The following GNG2 variants were observed in gnomAD, a reference collection of about 807,000 sequenced individuals.
GNG2 encodes guanine nucleotide-binding protein G(I)/G(S)/G(O) subunit gamma-2.
In GNG2, 5 loss-of-function variants were observed where a neutral mutation model predicts 5.5. That is an observed-to-expected ratio of 0.91 (90% CI 0.48 to 1.92). The LOEUF (loss-of-function observed/expected upper bound fraction) is 1.92, where lower values mean the gene tolerates loss of function less well. GNG2 is among the 30% of genes most tolerant of loss of function. The pLI, the probability that GNG2 is intolerant of heterozygous loss-of-function variation, is 0.01. For synonymous variants in GNG2, 28 were observed against 32.0 expected, an observed-to-expected ratio of 0.88 and a Z score of 0.42; for missense variants, 55 against 88.4, an observed-to-expected ratio of 0.62 and a Z score of 1.52.
chr14:51,932,609 G>A (rs1175866783), intron 2 of GNG2, among the ~76,000 whole-genome samples: 1 of 152,084 alleles, frequency 6.6e-6, no homozygotes, highest in African/African-American at 2.4e-5. Flanking sequence ...GGGGGACAGA[G>A]GGAGACTCTG....
At chr14:51,929,794 C>T (rs555438315) in intron 2 of GNG2, among the ~76,000 whole-genome samples, 17 of 152,170 alleles carry the variant, frequency 1.1e-4, no homozygotes, top group Non-Finnish European at 2.1e-4. Flanking sequence ...ATGAGGCTGG[C>T]GTCGAGAGAA....
chr14:51,903,662 T>TC (rs1885711980), intron 2 of GNG2, among the ~76,000 whole-genome samples: 1 of 152,210 alleles, frequency 6.6e-6, no homozygotes, highest in African/African-American at 2.4e-5. Flanking sequence ...TCTCTTTTTT[T>TC]CCTCTAAGAT....
At chr14:51,929,066 C>T (rs960252485) in intron 2 of GNG2, among the ~76,000 whole-genome samples, 1 of 152,220 alleles carries the variant, frequency 6.6e-6, no homozygotes, top group Non-Finnish European at 1.5e-5. Context: ...ATTTCCCAAG[C>T]AACCGAGGTT....
chr14:51,844,000 C>T (rs1016283455), intron 2 of GNG2, among the ~76,000 whole-genome samples: 1 of 152,228 alleles, frequency 6.6e-6, no homozygotes, highest in Non-Finnish European at 1.5e-5. Context: ...CTTCTGGTGA[C>T]TCAGGCAAAG....
chr14:51,906,916 C>T (rs1193569927), intron 2 of GNG2, among the ~76,000 whole-genome samples: 3 of 151,932 alleles, frequency 2.0e-5, no homozygotes, highest in Admixed American at 2.0e-4. Context: ...CCACCACACC[C>T]GGCTAATTTT....
upstream of GNG2, among the ~76,000 whole-genome samples, chr14:51,857,440 T>C (rs1882214656): frequency 6.6e-6 from 1 of 152,172 alleles, no homozygotes; most frequent in African/African-American, 2.4e-5. Context: ...CAGAAGGCTT[T>C]GTATGCCATG....
chr14:51,872,622 G>A (rs1183941818), intron 1 of GNG2, among the ~76,000 whole-genome samples: 1 of 152,200 alleles, frequency 6.6e-6, no homozygotes, highest in Non-Finnish European at 1.5e-5. Context: ...AGCTTCCTAA[G>A]AGAAGATAAC....
At chr14:51,881,701 C>CTT (rs58544362) in intron 2 of GNG2, among the ~76,000 whole-genome samples, 27,929 of 103,790 alleles carry the variant, frequency 0.27, 4,319 homozygotes, top group Non-Finnish European at 0.35. Context: ...AGCTGGAAGA[C>CTT]TTTTTTTTTT....
intron 2 of GNG2, among the ~76,000 whole-genome samples, chr14:51,906,757 C>CTTTTTTTTTTTTTT (rs34240079): frequency 0.025 from 2,633 of 104,964 alleles, 148 homozygotes; most frequent in East Asian, 0.046. Flanking sequence ...TGGAGAATCT[C>CTTTTTTTTTTTTTT]TTTTTTTTTT....
intron 2 of GNG2, among the ~76,000 whole-genome samples, chr14:51,897,902 T>C (rs1240547702): frequency 1.3e-5 from 2 of 152,188 alleles, no homozygotes. Flanking sequence ...TCTTTTCAAG[T>C]TCTGCCTTAA....
At chr14:51,843,677 C>A (rs1287870770) in intron 2 of GNG2, among the ~76,000 whole-genome samples, 2 of 152,142 alleles carry the variant, frequency 1.3e-5, no homozygotes, top group Non-Finnish European at 1.5e-5. Context: ...ATGGGGCAGT[C>A]TTTCCAACAT....
intron 2 of GNG2, among the ~76,000 whole-genome samples, chr14:51,893,462 G>A (rs1168621217): frequency 6.6e-6 from 1 of 152,096 alleles, no homozygotes; most frequent in Non-Finnish European, 1.5e-5. Flanking sequence ...AATTTATACA[G>A]AATCCTTAGT....
chr14:51,927,316 A>ATCT (rs889045947), intron 2 of GNG2, among the ~76,000 whole-genome samples: 8 of 152,160 alleles, frequency 5.3e-5, no homozygotes, highest in African/African-American at 1.9e-4. Flanking sequence ...ATTCCCGTTT[A>ATCT]TCTTCATCAG....
Position 51,966,625 on chromosome 14 carries a change from A to T in GNG2, c.154A>T (p.Thr52Ser), listed in dbSNP as rs768662041. 4 of 1,613,042 alleles carry T rather than the reference A, an allele frequency of 2.5e-6. No homozygotes were observed. The African/African-American group carries it at 5.4e-5, about 22-fold the overall frequency. ...EAHAKEDPLLTPVPASENPFR... is the reference protein window; with the variant it reads ...EAHAKEDPLLSPVPASENPFR... ...ACATGCCAAGGAAGACCCCCTCCTG[A>T]CCCCTGTTCCGGCTTCAGAAAACCC... Residue 52 changes from threonine to serine, a missense_variant, in exon 4 of 4, where the codon ACC becomes TCC. By Grantham distance (58) the Thr-to-Ser change is moderately conservative. Transcript: ENST00000556766.
At chr14:51,946,305 C>A (rs1322246006) in intron 2 of GNG2, among the ~76,000 whole-genome samples, 2 of 151,918 alleles carry the variant, frequency 1.3e-5, no homozygotes, top group Non-Finnish European at 2.9e-5. Flanking sequence ...TAGATGTGGG[C>A]AAATCAAAAG....
intron 2 of GNG2, among the ~76,000 whole-genome samples, chr14:51,848,624 T>A (rs1343362989): frequency 6.6e-6 from 1 of 152,184 alleles, no homozygotes; most frequent in African/African-American, 2.4e-5. Flanking sequence ...GATGTTTGTA[T>A]CAGCCTGGGT....
intron 2 of GNG2, among the ~76,000 whole-genome samples, chr14:51,910,672 T>G (rs1462758774): frequency 6.6e-6 from 1 of 152,256 alleles, no homozygotes; most frequent in African/African-American, 2.4e-5. Context: ...CAGCCTTGTC[T>G]GAGCCTACTT....
chr14:51,950,222 G>T (rs144952848), intron 2 of GNG2, among the ~76,000 whole-genome samples: 2 of 152,146 alleles, frequency 1.3e-5, no homozygotes, highest in Admixed American at 1.3e-4. Flanking sequence ...AAAGTAGATC[G>T]TTGTGACTCA....
chr14:51,933,143 ACT>A (rs1490857757), intron 2 of GNG2, among the ~76,000 whole-genome samples: 1 of 152,138 alleles, frequency 6.6e-6, no homozygotes, highest in African/African-American at 2.4e-5. Context: ...CTGATTTCAA[ACT>A]CTAGCTTCTA....
Sources: gnomAD v4.1 joint callset for allele counts (sites outside exome capture counted in the v4.1 genomes callset) on GRCh38, gnomAD v4.1.1 for gene constraint, MANE v1.5 for transcripts, NCBI Gene and HGNC (gene_info 2026-07-23, HGNC 2026-07-21) for gene names.